C12orf42: variants seen among roughly 807,000 people sequenced by gnomAD.
C12orf42 encodes chromosome 12 open reading frame 42.
A neutral mutation model predicts 21.6 loss-of-function variants in C12orf42; 25 were observed. The ratio of observed to expected loss-of-function variants is 1.16; its 90% confidence interval spans 0.84 to 1.62. The LOEUF is 1.62. Ranked by LOEUF, C12orf42 falls within the 40% of genes most tolerant of loss-of-function variation. The pLI is 0.00. For synonymous variants in C12orf42, 174 were observed against 175.0 expected (o/e 0.99, Z 0.05); for missense variants, 483 against 459.3 (o/e 1.05, Z -0.47).
the C12orf42 span, among the ~76,000 whole-genome samples, chr12:103,145,952 T>TAG: frequency 4.0e-3 from 599 of 151,120 alleles, 3 homozygotes; most frequent in South Asian, 8.2e-3. Context: ...TACATATATA[T>TAG]ATAGAGAGAG....
the C12orf42 span, among the ~76,000 whole-genome samples, chr12:103,100,120 TTC>T: frequency 1.3e-5 from 2 of 152,252 alleles, no homozygotes; most frequent in African/African-American, 2.4e-5. Context: ...GTCTGTACTG[TTC>T]TCTGTCTGTT....
At chr12:103,442,942 C>A (rs1951346476) in intron 2 of C12orf42, among the ~76,000 whole-genome samples, 4 of 152,060 alleles carry the variant, frequency 2.6e-5, no homozygotes, top group Admixed American at 1.3e-4. Context: ...CTAGGTTTTG[C>A]CCTACATTCT....
At chr12:103,210,826 C>G in the C12orf42 span, among the ~76,000 whole-genome samples, 18 of 151,636 alleles carry the variant, frequency 1.2e-4, no homozygotes, top group Admixed American at 2.0e-4. Flanking sequence ...TACCTAGTAT[C>G]CAACAAAATA....
chr12:103,481,119 CTTCT>C (rs1361241527), intron 1 of C12orf42, among the ~76,000 whole-genome samples: 2 of 151,720 alleles, frequency 1.3e-5, no homozygotes, highest in East Asian at 3.9e-4. Flanking sequence ...ATATAGCTTT[CTTCT>C]TTATCTCTAC....
At chr12:103,512,857 C>A in the C12orf42 span, among the ~76,000 whole-genome samples, 1 of 152,062 alleles carries the variant, frequency 6.6e-6, no homozygotes, top group East Asian at 1.9e-4. Context: ...CAAAAATTAG[C>A]CAGGCGTGGT....
At position 103,423,983 on chromosome 12, in the gene C12orf42, T is replaced by C. The variant is rs372338396; in HGVS notation, c.79-22308A>G. On this transcript the variant is annotated intron_variant, in intron 2 of 5. Coordinates refer to ENST00000548883, the MANE Select transcript of C12orf42 (RefSeq NM_198521.5). ...GAAGATGGATTTCAAAGTAAATGCATGATGCTATTTATTCTGTTTATATTT... is the reference window on the plus strand; with the variant it reads ...GAAGATGGATTTCAAAGTAAATGCACGATGCTATTTATTCTGTTTATATTT... 5.3e-5 allele frequency among the ~76,000 whole-genome samples: 8 copies of C among 152,268 alleles called. No homozygotes were observed. The East Asian group carries it at 1.3e-3, about 26-fold the overall frequency.
chr12:103,118,534 C>T, the C12orf42 span, among the ~76,000 whole-genome samples: 117 of 152,174 alleles, frequency 7.7e-4, 1 homozygote, highest in African/African-American at 2.7e-3. Flanking sequence ...CGCGGTGGCT[C>T]ATGCCTGTAA....
At chr12:103,155,828 TGTGTATATATACATATATACATATATGA>T in the C12orf42 span, among the ~76,000 whole-genome samples, 3 of 150,896 alleles carry the variant, frequency 2.0e-5, no homozygotes, top group East Asian at 1.9e-4. Flanking sequence ...TATAGATATG[TGTGTATATATACATATATACATATATGA>T]GTGTATATAT....
In C12orf42 at chr12:103,472,179, C is replaced by T. The variant is rs568810763; in HGVS notation, c.78+6170G>A. 8.6e-5 allele frequency among the ~76,000 whole-genome samples: 13 copies of T among 150,814 alleles called. 1 individual carries two copies. Among genetic ancestry groups the T allele is most frequent in the Admixed American group, 2.7e-4 (4 of 15,066 alleles). On this transcript the variant is annotated intron_variant, in intron 2 of 5. Coordinates refer to ENST00000548883, the MANE Select transcript of C12orf42 (RefSeq NM_198521.5). ...ACGCCATTCTCCTGCCTCAGCCTCA[C>T]GAGTAGCTGGGACTACAGGCACCCG...
chr12:103,539,919 G>A, the C12orf42 span, among the ~76,000 whole-genome samples: 1 of 152,070 alleles, frequency 6.6e-6, no homozygotes, highest in Non-Finnish European at 1.5e-5. Context: ...TTAATAAAAA[G>A]GTGACATGCT....
At chr12:103,081,708 G>A in the C12orf42 span, among the ~76,000 whole-genome samples, 1 of 152,050 alleles carries the variant, frequency 6.6e-6, no homozygotes, top group South Asian at 2.1e-4. Context: ...TTTCAATGTT[G>A]CTTTTGAGTG....
At chr12:103,159,535 G>A in the C12orf42 span, 1 of 152,186 alleles carries the variant, frequency 6.6e-6, no homozygotes, top group Non-Finnish European at 1.5e-5. Flanking sequence ...TGAATCCATA[G>A]ACTACTTGCA....
At chr12:103,355,640 C>A (rs1016455223) in intron 4 of C12orf42, among the ~76,000 whole-genome samples, 10 of 152,048 alleles carry the variant, frequency 6.6e-5, no homozygotes, top group African/African-American at 2.4e-4. Context: ...GGTCACACAG[C>A]CAGTGGTTGA....
At chr12:103,358,234 G>A (rs1041895377) in intron 4 of C12orf42, among the ~76,000 whole-genome samples, 1 of 152,084 alleles carries the variant, frequency 6.6e-6, no homozygotes, top group Non-Finnish European at 1.5e-5. Flanking sequence ...GAGATCCAAA[G>A]GATAGAGAAA....
chr12:103,391,291 A>G (rs1275508641), intron 3 of C12orf42, among the ~76,000 whole-genome samples: 4 of 152,176 alleles, frequency 2.6e-5, no homozygotes, highest in Non-Finnish European at 5.9e-5. Context: ...TTATTTAGGA[A>G]TAAAATTGCT....
At chr12:103,524,751 A>T in the C12orf42 span, among the ~76,000 whole-genome samples, 1 of 152,346 alleles carries the variant, frequency 6.6e-6, no homozygotes, top group African/African-American at 2.4e-5. Context: ...GTCCATCAAC[A>T]GATTGACTGC....
chr12:103,273,826 T>C, intron 5 of C12orf42: 2 of 456,410 alleles, frequency 4.4e-6, no homozygotes, highest in East Asian at 7.0e-5. Flanking sequence ...AGCGTTAATA[T>C]GTGAGCAGTT....
intron 2 of C12orf42, among the ~76,000 whole-genome samples, chr12:103,462,991 G>A (rs187044043): frequency 4.6e-5 from 7 of 152,158 alleles, no homozygotes; most frequent in Admixed American, 3.3e-4. Context: ...TCAGCAAAAC[G>A]CTTAAGTTAT....
At chr12:103,154,491 A>AT in the C12orf42 span, among the ~76,000 whole-genome samples, 47 of 150,364 alleles carry the variant, frequency 3.1e-4, no homozygotes, top group African/African-American at 5.4e-4. Context: ...ATTCCATCAA[A>AT]TTTTTTTTTT....
Sources: gnomAD v4.1 joint callset for allele counts (sites outside exome capture counted in the v4.1 genomes callset) on GRCh38, gnomAD v4.1.1 for gene constraint, MANE v1.5 for transcripts, NCBI Gene and HGNC (gene_info 2026-07-23, HGNC 2026-07-21) for gene names.